Variants in ROBO1 observed in about 807,000 individuals in gnomAD.
ROBO1 encodes roundabout homolog 1.
ROBO1 carries 149 observed loss-of-function variants against 195.9 expected under a neutral mutation model. That is an observed-to-expected ratio of 0.76 (90% CI 0.67 to 0.87). The LOEUF is 0.87. Among genes scored for constraint, ROBO1 ranks in the 40% least tolerant of loss-of-function variants. ROBO1 has a pLI of 0.00. For synonymous variants in ROBO1, 816 were observed against 733.2 expected (o/e 1.11, Z -1.82); for missense variants, 1,933 against 2,068.3 (o/e 0.93, Z 1.27).
chr3:78,896,956 G>A (rs931945349), intron 4 of ROBO1, among the ~76,000 whole-genome samples: 6 of 152,210 alleles, frequency 3.9e-5, no homozygotes, highest in African/African-American at 9.6e-5. Flanking sequence ...CACAATCAAC[G>A]GAGGCAGGAT....
chr3:79,144,408 C>A (rs1247722299), intron 2 of ROBO1, among the ~76,000 whole-genome samples: 1 of 151,922 alleles, frequency 6.6e-6, no homozygotes, highest in African/African-American at 2.4e-5. Context: ...TTTCCCCTTG[C>A]TTCCTTTTTC....
chr3:79,713,844 A>G (rs1382666366), intron 1 of ROBO1, among the ~76,000 whole-genome samples: 11 of 151,992 alleles, frequency 7.2e-5, no homozygotes, highest in African/African-American at 2.7e-4. Context: ...CATTTATTAA[A>G]TAGGGAATCC....
intron 2 of ROBO1, among the ~76,000 whole-genome samples, chr3:79,521,752 C>T (rs1941218994): frequency 6.6e-6 from 1 of 152,164 alleles, no homozygotes; most frequent in South Asian, 2.1e-4. Context: ...CACACACACA[C>T]TTCCTGCATT....
At chr3:79,045,650 G>A (rs1352769220) in intron 3 of ROBO1, among the ~76,000 whole-genome samples, 11 of 151,898 alleles carry the variant, frequency 7.2e-5, no homozygotes, top group Admixed American at 6.6e-4. Flanking sequence ...TTCAGCTATT[G>A]TGCATTAAAA....
intron 5 of ROBO1, among the ~76,000 whole-genome samples, chr3:78,744,830 G>A (rs2082617405): frequency 6.6e-6 from 1 of 151,962 alleles, no homozygotes; most frequent in Admixed American, 6.6e-5. Flanking sequence ...TTAACTTACT[G>A]TATGTTACAC....
At chr3:79,126,876 A>G (rs2080225404) in intron 2 of ROBO1, among the ~76,000 whole-genome samples, 1 of 152,118 alleles carries the variant, frequency 6.6e-6, no homozygotes, top group Non-Finnish European at 1.5e-5. Context: ...AATTCTTAAA[A>G]AAGGAATACA....
At chr3:78,612,338 C>T (rs538958777) in intron 28 of ROBO1, among the ~76,000 whole-genome samples, 3 of 152,274 alleles carry the variant, frequency 2.0e-5, no homozygotes, top group South Asian at 4.1e-4. Flanking sequence ...TTTTAACAAT[C>T]GGTAGCTCTT....
At chr3:79,197,793 T>C (rs2081668066) in intron 2 of ROBO1, among the ~76,000 whole-genome samples, 1 of 152,134 alleles carries the variant, frequency 6.6e-6, no homozygotes, top group Admixed American at 6.6e-5. Flanking sequence ...TGACCAGTGA[T>C]GATGAGCATT....
intron 2 of ROBO1, among the ~76,000 whole-genome samples, chr3:79,514,339 T>A (rs1327213684): frequency 6.6e-6 from 1 of 152,212 alleles, no homozygotes; most frequent in African/African-American, 2.4e-5. Context: ...TTCTCTCATA[T>A]TTTTACAGCC....
intron 1 of ROBO1, among the ~76,000 whole-genome samples, chr3:79,673,107 T>C (rs1946677891): frequency 6.6e-6 from 1 of 152,008 alleles, no homozygotes; most frequent in Non-Finnish European, 1.5e-5. Flanking sequence ...TGAAAGCTAG[T>C]CACTTTACAT....
intron 2 of ROBO1, among the ~76,000 whole-genome samples, chr3:79,259,700 G>A (rs2082904827): frequency 6.6e-6 from 1 of 151,914 alleles, no homozygotes; most frequent in South Asian, 2.1e-4. Flanking sequence ...CAGAATACAT[G>A]AGAAGCTCAA....
Position 79,232,260 on chromosome 3 carries a change from A to AAAAT in ROBO1, c.89-106722_89-106721insATTT, listed in dbSNP as rs1553704316. ...TCCTCCTTGATTTAAAAAAAAAAAA[A>AAAAT]ATATATATATATAAAATCTCTCTGC... On this transcript the variant is annotated intron_variant, in intron 2 of 30. Coordinates refer to ENST00000464233, the MANE Select transcript of ROBO1 (RefSeq NM_002941.4). 2.1e-3 allele frequency among the ~76,000 whole-genome samples: 310 copies of AAAAT among 147,416 alleles called. 1 individual carries two copies. Among genetic ancestry groups the AAAAT allele is most frequent in the African/African-American group, 7.4e-3 (295 of 40,008 alleles).
intron 2 of ROBO1, among the ~76,000 whole-genome samples, chr3:79,247,417 A>T (rs1170981435): frequency 6.6e-6 from 1 of 151,484 alleles, no homozygotes; most frequent in African/African-American, 2.4e-5. Context: ...GAACAAAGGA[A>T]AAGTCCATTT....
intron 3 of ROBO1, among the ~76,000 whole-genome samples, chr3:78,956,370 T>C (rs1306761683): frequency 6.6e-6 from 1 of 152,090 alleles, no homozygotes; most frequent in Non-Finnish European, 1.5e-5. Context: ...CTACATGCAT[T>C]TATCATTTTG....
intron 4 of ROBO1, among the ~76,000 whole-genome samples, chr3:78,874,447 T>C (rs1236563676): frequency 6.6e-6 from 1 of 151,862 alleles, no homozygotes; most frequent in African/African-American, 2.4e-5. Context: ...TTATAACTTA[T>C]AATGCAAATG....
chr3:79,081,086 C>T (rs1278414531), intron 3 of ROBO1, among the ~76,000 whole-genome samples: 1 of 151,982 alleles, frequency 6.6e-6, no homozygotes, highest in African/African-American at 2.4e-5. Flanking sequence ...TGCCCAAACG[C>T]TTTGCCTGAA....
At chr3:79,532,277 C>A (rs1941690992) in intron 2 of ROBO1, among the ~76,000 whole-genome samples, 2 of 151,906 alleles carry the variant, frequency 1.3e-5, no homozygotes, top group Admixed American at 1.3e-4. Flanking sequence ...TATAGTTTGT[C>A]AGTAGGAATA....
Position 79,573,622 on chromosome 3 carries a change from TAA to T in ROBO1, c.88+16200_88+16201del, listed in dbSNP as rs1241718440. Among the ~76,000 whole-genome samples, 4 of 152,300 alleles carry T rather than the reference TAA, an allele frequency of 2.6e-5. No homozygotes were observed. In the East Asian group the frequency reaches 7.7e-4, roughly 29 times the overall value. ...CACAAAGTAGTTCTTTAATTAAATA[TAA>T]ATGTGAAATTATCGATGGTTTAAAG... On this transcript the variant is annotated intron_variant, in intron 2 of 30. Coordinates refer to ENST00000464233, the MANE Select transcript of ROBO1 (RefSeq NM_002941.4).
intron 2 of ROBO1, among the ~76,000 whole-genome samples, chr3:79,559,317 T>A (rs73849613): frequency 0.011 from 1,654 of 152,316 alleles, 25 homozygotes; most frequent in African/African-American, 0.037. Flanking sequence ...CTGTTACATC[T>A]AATCTGTCTA....
Sources: gnomAD v4.1 joint callset for allele counts (sites outside exome capture counted in the v4.1 genomes callset) on GRCh38, gnomAD v4.1.1 for gene constraint, MANE v1.5 for transcripts, NCBI Gene and HGNC (gene_info 2026-07-23, HGNC 2026-07-21) for gene names.